Variants in MAGEA3 observed in about 807,000 individuals in gnomAD.
MAGEA3 encodes the protein MAGE family member A3, also known as melanoma-associated antigen 3.
For missense variants in MAGEA3, 207 were observed against 239.1 expected, an observed-to-expected ratio of 0.87 and a Z score of 0.89; for synonymous variants, 110 against 102.2, an observed-to-expected ratio of 1.08 and a Z score of -0.46.
chrX:152,701,723 T>C lies in MAGEA3; in HGVS notation c.891T>C (p.Pro297=). Residue 297 remains proline (P), a synonymous_variant, in exon 3 of 3, where the codon CCT becomes CCC. Coordinates refer to ENST00000370278, the MANE Select transcript of MAGEA3 (RefSeq NM_005362.4). ...LHHMVKISGG[P]HISYPPLHEW... ...ATATGGTAAAGATCAGTGGAGGACC[T>C]CACATTTCCTACCCACCCCTGCATG... 8.3e-7 allele frequency: 1 copy of C among 1,208,411 alleles called. No homozygotes were observed.
intron 1 of MAGEA3, among the ~76,000 whole-genome samples, chrX:152,700,094 G>A (rs1407520670): frequency 5.0e-5 from 5 of 100,607 alleles, no homozygotes; most frequent in East Asian, 3.0e-4. Flanking sequence ...TGTCCTTTCC[G>A]GGAGGACCTG....
Sources: gnomAD v4.1 joint callset for allele counts (sites outside exome capture counted in the v4.1 genomes callset) on GRCh38, gnomAD v4.1.1 for gene constraint, MANE v1.5 for transcripts, NCBI Gene and HGNC (gene_info 2026-07-23, HGNC 2026-07-21) for gene names.